Variants in GLIS1 observed in about 807,000 individuals in gnomAD.
GLIS1 encodes the protein zinc finger protein GLIS1.
Under a neutral mutation model 63.8 loss-of-function variants are expected in GLIS1, and 24 were observed. The ratio of observed to expected loss-of-function variants is 0.38; its 90% CI spans 0.27 to 0.53. GLIS1 has a LOEUF of 0.53. Ranked by LOEUF, GLIS1 falls within the 20% of genes least tolerant of loss-of-function variation. The pLI, the probability that GLIS1 is intolerant of heterozygous loss-of-function variation, is 0.85. For synonymous variants in GLIS1, 450 were observed against 482.5 expected (o/e 0.93, Z 0.88); for missense variants, 1,036 against 1,074.1 (o/e 0.96, Z 0.50).
At chr1:53,607,757 T>C (rs1191874265) in intron 2 of GLIS1, among the ~76,000 whole-genome samples, 1 of 152,180 alleles carries the variant, frequency 6.6e-6, no homozygotes, top group African/African-American at 2.4e-5. Flanking sequence ...CAAAATACCA[T>C]AGACTAGGTG....
rs148266639 is a variant in GLIS1, at chr1:53,584,788, G to A, written c.1320+9320C>T. Among the ~76,000 whole-genome samples, 11 of 152,292 alleles carry A rather than the reference G, an allele frequency of 7.2e-5. No individual in the cohort carries two copies. In the East Asian group the frequency reaches 7.7e-4, roughly 11 times the overall value. ...CTGGCCCATCCCCCATTTAACAGAC[G>A]AGAACAGGATGCTGAGGTCTGCAGC... On this transcript the variant is annotated intron_variant, in intron 4 of 10. Transcript: ENST00000628545.
Position 53,510,038 on chromosome 1 carries a change from C to G in GLIS1, c.1884-11G>C. Reference sequence around the variant, plus strand: ...AGGCCGGGCCCCAACCTGGAGAGAACAGAGGTGCCCATCAGCAGGCAGGGG... The same window carrying G: ...AGGCCGGGCCCCAACCTGGAGAGAAGAGAGGTGCCCATCAGCAGGCAGGGG... On this transcript the variant is annotated splice_polypyrimidine_tract_variant and intron_variant, in intron 8 of 10. Transcript: ENST00000628545. The G allele has an allele frequency of 7.9e-7, 1 of 1,258,498 alleles. No individual in the cohort carries two copies. 78.0% of individuals were successfully genotyped at this position (1,258,498 alleles called of 1,614,324 possible).
intron 4 of GLIS1, among the ~76,000 whole-genome samples, chr1:53,592,147 G>A (rs1021534433): frequency 2.0e-5 from 3 of 152,062 alleles, no homozygotes; most frequent in African/African-American, 7.3e-5. Flanking sequence ...CTGGCAGCCT[G>A]GCCGCAGAGA....
In GLIS1 at chr1:53,643,228, A is replaced by G. The variant is rs61587107; in HGVS notation, c.260-42950T>C. Reference sequence around the variant, plus strand: ...ATTATCCAGGCCATAAACCTGATTTACACTTGGGCCGCTTCTCTCCAGCAG... The same window carrying G: ...ATTATCCAGGCCATAAACCTGATTTGCACTTGGGCCGCTTCTCTCCAGCAG... On this transcript the variant is annotated intron_variant, in intron 2 of 10. Transcript: ENST00000628545. 5.9e-3 allele frequency among the ~76,000 whole-genome samples: 905 copies of G among 152,318 alleles called. 14 individuals carry two copies. Among genetic ancestry groups the G allele is most frequent in the African/African-American group, 0.019 (806 of 41,572 alleles).
chr1:53,631,594 C>T (rs1010141784), intron 2 of GLIS1, among the ~76,000 whole-genome samples: 2 of 152,194 alleles, frequency 1.3e-5, no homozygotes, highest in African/African-American at 2.4e-5. Context: ...CATTCATCTT[C>T]TAACAGGGGA....
At chr1:53,619,086 G>A (rs1047879566) in intron 2 of GLIS1, among the ~76,000 whole-genome samples, 1 of 152,156 alleles carries the variant, frequency 6.6e-6, no homozygotes, top group Non-Finnish European at 1.5e-5. Flanking sequence ...GGCTGGTCTT[G>A]GACCAGACCT....
chr1:53,619,433 T>C (rs1217037109), intron 2 of GLIS1, among the ~76,000 whole-genome samples: 1 of 152,178 alleles, frequency 6.6e-6, no homozygotes, highest in Non-Finnish European at 1.5e-5. Flanking sequence ...CTACAGCCCT[T>C]ACCATGGGAT....
At position 53,727,649 on chromosome 1, in the gene GLIS1, C is replaced by G. The variant is rs139252345; in HGVS notation, c.259+10157G>C. Among the ~76,000 whole-genome samples, 1,103 of 152,358 alleles carry G rather than the reference C, an allele frequency of 7.2e-3. 5 individuals carry two copies. The highest frequency in any genetic ancestry group is 0.012 in the Non-Finnish European group (799 of 68,034). ...TCAGGCCCCAAGCTCCTCCACCTGG[C>G]CCCTGGCCTGGCAGCTCCAAAGGCT... On this transcript the variant is annotated intron_variant, in intron 2 of 10. Transcript: ENST00000628545.
At chr1:53,645,178 C>G (rs781096141) in intron 2 of GLIS1, among the ~76,000 whole-genome samples, 4 of 152,210 alleles carry the variant, frequency 2.6e-5, no homozygotes, top group Admixed American at 1.3e-4. Flanking sequence ...GCTTCTCCCC[C>G]CCAGACATCT....
chr1:53,636,309 G>A (rs2316196), intron 2 of GLIS1, among the ~76,000 whole-genome samples: 1 of 151,962 alleles, frequency 6.6e-6, no homozygotes, highest in Non-Finnish European at 1.5e-5. Flanking sequence ...ATCACTTAAC[G>A]CTATTCACCA....
rs1645850934 is a variant in GLIS1 at position 53,646,907 on chromosome 1, G to A, written c.260-46629C>T. 7.0e-6 allele frequency among the ~76,000 whole-genome samples: 1 copy of A among 143,224 alleles called. No individual in the cohort carries two copies. The highest frequency in any genetic ancestry group is 1.5e-5 in the Non-Finnish European group (1 of 66,424). 94.0% of individuals were successfully genotyped at this position (143,224 alleles called of 152,430 possible). A position where few individuals can be genotyped will look rare whatever the true frequency, so the allele number is the denominator to read the frequency against. ...AAGGGAAGGGAAGGAAGGAAAGGAA[G>A]GAAGGGAAGGAAGGAAGGAAGGAAA... On this transcript the variant is annotated intron_variant, in intron 2 of 10. Transcript: ENST00000628545. This position sits in a 1 kb window ranked among gnomAD's most constrained non-coding sequence, Gnocchi z 4.2.
chr1:53,675,801 T>C (rs1646204906), intron 2 of GLIS1, among the ~76,000 whole-genome samples: 1 of 152,108 alleles, frequency 6.6e-6, no homozygotes, highest in Non-Finnish European at 1.5e-5. Flanking sequence ...GGCCCTGGGC[T>C]CCTTCCAATT....
At chr1:53,655,170 T>C (rs1569994720) in intron 2 of GLIS1, among the ~76,000 whole-genome samples, 1 of 152,296 alleles carries the variant, frequency 6.6e-6, no homozygotes, top group East Asian at 1.9e-4. Flanking sequence ...TACCTTCAGA[T>C]GTAGGAATGC....
chr1:53,646,638 C>T lies in GLIS1; in HGVS notation c.260-46360G>A, dbSNP rs575421028. 1.4e-4 allele frequency among the ~76,000 whole-genome samples: 22 copies of T among 152,126 alleles called. No individual in the cohort carries two copies. The highest frequency in any genetic ancestry group is 1.2e-3 in the Admixed American group (18 of 15,284). ...CAGCCTGGCCAACATGGTAAAACCC[C>T]GTCTTGACTAAAAATACAAAACTTA... On this transcript the variant is annotated intron_variant, in intron 2 of 10. Transcript: ENST00000628545. This position sits in a 1 kb window ranked among gnomAD's most constrained non-coding sequence, Gnocchi z 4.2.
chr1:53,542,418 G>C (rs998724354), intron 4 of GLIS1, among the ~76,000 whole-genome samples: 1 of 152,230 alleles, frequency 6.6e-6, no homozygotes, highest in African/African-American at 2.4e-5. Flanking sequence ...CCATCGGAGA[G>C]TGCCCAGCAC....
intron 4 of GLIS1, among the ~76,000 whole-genome samples, chr1:53,575,703 T>G (rs1645026126): frequency 6.6e-6 from 1 of 152,090 alleles, no homozygotes; most frequent in Non-Finnish European, 1.5e-5. Flanking sequence ...AGCAGGTGCT[T>G]GGTGAATGAA....
intron 2 of GLIS1, among the ~76,000 whole-genome samples, chr1:53,684,186 T>C (rs908862458): frequency 3.9e-5 from 6 of 151,960 alleles, no homozygotes; most frequent in African/African-American, 1.5e-4. Context: ...GTCCATGTCC[T>C]CCCCACCCCC....
chr1:53,714,089 C>A (rs564526270), intron 2 of GLIS1, among the ~76,000 whole-genome samples: 1 of 152,146 alleles, frequency 6.6e-6, no homozygotes, highest in Admixed American at 6.5e-5. Flanking sequence ...AGAAAGAAAC[C>A]GGAAACAGCA....
chr1:53,553,844 G>T (rs1644788939), intron 4 of GLIS1, among the ~76,000 whole-genome samples: 1 of 152,222 alleles, frequency 6.6e-6, no homozygotes, highest in Non-Finnish European at 1.5e-5. Flanking sequence ...GGCCTGTGTG[G>T]CTGGAGCAGA....
Sources: allele counts gnomAD v4.1 joint callset (sites outside exome capture counted in the v4.1 genomes callset), GRCh38; gene constraint gnomAD v4.1.1; non-coding constraint Gnocchi (gnomAD v3.1); transcripts MANE v1.5; gene names NCBI Gene and HGNC (gene_info 2026-07-23, HGNC 2026-07-21).